PCCA: variants seen among roughly 807,000 people sequenced by gnomAD.
PCCA encodes the protein propionyl-CoA carboxylase subunit alpha.
In PCCA, 74 loss-of-function variants were observed where a neutral mutation model predicts 101.3. The ratio of observed to expected loss-of-function variants is 0.73; its 90% CI spans 0.61 to 0.89. The LOEUF is 0.89. Ranked by LOEUF, PCCA falls within the 40% of genes least tolerant of loss-of-function variation. The pLI, the probability that PCCA is intolerant of heterozygous loss-of-function variation, is 0.00. For missense variants in PCCA, 891 were observed against 907.0 expected (o/e 0.98, Z 0.23); for synonymous variants, 294 against 313.6 (o/e 0.94, Z 0.66).
chr13:100,380,979 T>C (rs900980856), intron 19 of PCCA, among the ~76,000 whole-genome samples: 9 of 152,190 alleles, frequency 5.9e-5, no homozygotes, highest in Non-Finnish European at 1.0e-4. Context: ...TAAGCACATA[T>C]AGAGATGTTC....
Position 100,180,568 on chromosome 13 carries a change from G to A in PCCA, c.468+23228G>A, listed in dbSNP as rs116173347. Among the ~76,000 whole-genome samples the A allele has an allele frequency of 4.8e-3, 732 of 152,216 alleles. 8 individuals carry two copies. The highest frequency in any genetic ancestry group is 0.016 in the African/African-American group (684 of 41,520). On this transcript the variant is annotated intron_variant, in intron 6 of 23. Transcript: ENST00000376285. ...AGGTCCTAAGAACAGTTAGAGTTAG[G>A]GGGTAGGTGTGGATACAGAGGTTGT...
At chr13:100,376,464 C>G (rs1455266906) in intron 19 of PCCA, among the ~76,000 whole-genome samples, 2 of 152,222 alleles carry the variant, frequency 1.3e-5, no homozygotes, top group East Asian at 1.9e-4. Flanking sequence ...CCCCTTCCCC[C>G]AGGTACTCTG....
chr13:100,150,850 G>A lies in PCCA; in HGVS notation c.301-4129G>A. 6 of 1,577,144 alleles carry A rather than the reference G, an allele frequency of 3.8e-6. No homozygotes were observed. The South Asian group carries it at 4.4e-5, about 12-fold the overall frequency. ...GGTTAACACCATGATGGACAGGCTTGCCATAAGTTGCACCCTTAGGAACTG... is the reference window on the plus strand; with the variant it reads ...GGTTAACACCATGATGGACAGGCTTACCATAAGTTGCACCCTTAGGAACTG... On this transcript the variant is annotated intron_variant, in intron 4 of 23. Transcript: ENST00000376285.
chr13:100,122,956 A>G (rs986261400), intron 4 of PCCA, among the ~76,000 whole-genome samples: 2 of 152,256 alleles, frequency 1.3e-5, no homozygotes, highest in African/African-American at 4.8e-5. Flanking sequence ...ATAGCATTCC[A>G]GAAGTACAAG....
chr13:100,444,226 G>T (rs141002953), intron 20 of PCCA, among the ~76,000 whole-genome samples: 1,931 of 145,568 alleles, frequency 0.013, 48 homozygotes, highest in African/African-American at 0.047. Context: ...TTTTGAGACG[G>T]TGTCTCGCTC....
intron 6 of PCCA, among the ~76,000 whole-genome samples, chr13:100,159,207 C>A (rs1464578514): frequency 3.4e-5 from 5 of 148,202 alleles, no homozygotes; most frequent in Non-Finnish European, 7.4e-5. Context: ...TATTCTGCCT[C>A]AGCCTCCTGA....
At chr13:100,373,984 C>T (rs559280582) in intron 19 of PCCA, among the ~76,000 whole-genome samples, 12 of 152,104 alleles carry the variant, frequency 7.9e-5, no homozygotes, top group South Asian at 4.2e-4. Context: ...TGGTAGCACG[C>T]GCCTGTAATC....
intron 7 of PCCA, among the ~76,000 whole-genome samples, chr13:100,213,626 G>T: frequency 6.6e-6 from 1 of 151,950 alleles, no homozygotes; most frequent in African/African-American, 2.4e-5. Context: ...TATATATTCT[G>T]GTTATTAATC....
At chr13:100,118,143 AAATAAGT>A (rs1317679377) in intron 4 of PCCA, among the ~76,000 whole-genome samples, 2 of 151,778 alleles carry the variant, frequency 1.3e-5, no homozygotes, top group Non-Finnish European at 2.9e-5. Context: ...AAAAAAAAGA[AAATAAGT>A]TACAGACATT....
intron 12 of PCCA, among the ~76,000 whole-genome samples, chr13:100,299,820 C>G (rs1339644439): frequency 6.6e-6 from 1 of 152,176 alleles, no homozygotes; most frequent in Non-Finnish European, 1.5e-5. Flanking sequence ...TCCAGCAATT[C>G]TCATGCCTCA....
intron 12 of PCCA, among the ~76,000 whole-genome samples, chr13:100,281,449 CCA>C (rs2064112861): frequency 6.6e-6 from 1 of 152,190 alleles, no homozygotes; most frequent in Admixed American, 6.5e-5. Context: ...TCTATACTAT[CCA>C]CAGTTTCAGG....
chr13:100,524,695 T>G (rs1189563261), intron 22 of PCCA, among the ~76,000 whole-genome samples: 2 of 151,996 alleles, frequency 1.3e-5, no homozygotes, highest in Non-Finnish European at 2.9e-5. Flanking sequence ...AATGTGGTAA[T>G]ACCCTATCTG....
At chr13:100,111,961 C>G in intron 3 of PCCA, 32 bp from the exon 4 acceptor site, 1 of 1,548,050 alleles carries the variant, frequency 6.5e-7, no homozygotes, top group African/African-American at 1.4e-5. Context: ...GTGTGAATCA[C>G]TATTAATAGA....
chr13:100,509,139 T>C (rs181390481), intron 21 of PCCA, among the ~76,000 whole-genome samples: 1 of 148,460 alleles, frequency 6.7e-6, no homozygotes, highest in East Asian at 2.1e-4. Flanking sequence ...GTGGTGTTCA[T>C]ATTTCACAAC....
At position 100,171,364 on chromosome 13, in the gene PCCA, GA is replaced by G. The variant is rs572362922; in HGVS notation, c.468+14027del. Among the ~76,000 whole-genome samples, 1,040 of 152,252 alleles carry G rather than the reference GA, an allele frequency of 6.8e-3. 8 individuals are homozygous for G. Among genetic ancestry groups the G allele is most frequent in the African/African-American group, 0.024 (983 of 41,554 alleles). ...CAGAAAATTTGATAGGCACTGTCCT[GA>G]AAGGTGACTGGGTAGCCTCTTGAGA... On this transcript the variant is annotated intron_variant, in intron 6 of 23. Coordinates refer to ENST00000376285, the MANE Select transcript of PCCA (RefSeq NM_000282.4).
At chr13:100,514,077 C>T (rs141932240) in intron 21 of PCCA, among the ~76,000 whole-genome samples, 157 of 152,304 alleles carry the variant, frequency 1.0e-3, no homozygotes, top group African/African-American at 3.7e-3. Context: ...TTTCCCTCAC[C>T]ACTTATGACT....
intron 21 of PCCA, among the ~76,000 whole-genome samples, chr13:100,488,302 G>A (rs963187250): frequency 3.3e-5 from 5 of 152,024 alleles, no homozygotes; most frequent in East Asian, 1.9e-4. Flanking sequence ...CATGTTGGTT[G>A]GGCTGGTCTT....
At chr13:100,268,564 G>T (rs2063095299) in intron 10 of PCCA, 125 bp from the exon 11 acceptor site, 1 of 766,908 alleles carries the variant, frequency 1.3e-6, no homozygotes, top group East Asian at 2.5e-5. Flanking sequence ...AATGTTTTGA[G>T]AGGTATGTAT....
intron 1 of PCCA, among the ~76,000 whole-genome samples, chr13:100,098,023 C>CA (rs141788385): frequency 3.1e-4 from 45 of 143,064 alleles, no homozygotes; most frequent in Middle Eastern, 3.6e-3. Flanking sequence ...GATCCTGTCT[C>CA]AAAAAAAAAA....
Sources: allele counts gnomAD v4.1 joint callset (sites outside exome capture counted in the v4.1 genomes callset), GRCh38; gene constraint gnomAD v4.1.1; transcripts MANE v1.5; gene names NCBI Gene and HGNC (gene_info 2026-07-23, HGNC 2026-07-21).